Variants in IPO11 observed in about 807,000 individuals in gnomAD.
IPO11 encodes the protein importin 11.
In IPO11, 66 loss-of-function variants were observed where a neutral mutation model predicts 143.2. That is an observed-to-expected ratio of 0.46 (90% CI 0.38 to 0.57). The LOEUF is 0.57. Ranked by LOEUF, IPO11 falls within the 20% of genes least tolerant of loss-of-function variation. IPO11 has a pLI of 0.00. For synonymous variants in IPO11, 385 were observed against 377.8 expected (o/e 1.02, Z -0.22); for missense variants, 1,026 against 1,141.0 (o/e 0.90, Z 1.45).
At chr5:62,603,703 C>T (rs183731492) in intron 29 of IPO11, among the ~76,000 whole-genome samples, 4 of 152,306 alleles carry the variant, frequency 2.6e-5, no homozygotes, top group Admixed American at 6.5e-5. Context: ...AGAAAAGTCA[C>T]GCAGACATGG....
At position 62,568,675 on chromosome 5, in the gene IPO11, C is replaced by T. The variant is rs975956341; in HGVS notation, c.2582+7418C>T. Among the ~76,000 whole-genome samples the T allele has an allele frequency of 4.0e-5, 6 of 151,212 alleles. No individual in the cohort carries two copies. In the South Asian group the frequency reaches 6.3e-4, roughly 16 times the overall value. ...TTTCTCGAAATTTGTTGAGCTTCCTCAAAAAAGCTATTTTGAATTCTTTGA... is the reference window on the plus strand; with the variant it reads ...TTTCTCGAAATTTGTTGAGCTTCCTTAAAAAAGCTATTTTGAATTCTTTGA... On this transcript the variant is annotated intron_variant, in intron 27 of 29. Transcript: ENST00000325324.
intron 29 of IPO11, among the ~76,000 whole-genome samples, chr5:62,612,752 A>C (rs1244613588): frequency 6.6e-6 from 1 of 152,372 alleles, no homozygotes; most frequent in East Asian, 1.9e-4. Flanking sequence ...TCTTGAGATC[A>C]CCAATAACTT....
chr5:62,610,410 A>G (rs1225262374), intron 29 of IPO11, among the ~76,000 whole-genome samples: 1 of 152,116 alleles, frequency 6.6e-6, no homozygotes, highest in Non-Finnish European at 1.5e-5. Context: ...ATTGCTTCTC[A>G]TTTTGCATTG....
chr5:62,509,468 A>T (rs1741673454), intron 19 of IPO11, among the ~76,000 whole-genome samples: 1 of 152,180 alleles, frequency 6.6e-6, no homozygotes, highest in Non-Finnish European at 1.5e-5. Context: ...ATAATACTCA[A>T]AGTGCTTCCC....
chr5:62,626,116 G>A (rs372320492), intron 29 of IPO11, among the ~76,000 whole-genome samples: 78 of 151,748 alleles, frequency 5.1e-4, no homozygotes, highest in African/African-American at 1.7e-3. Context: ...TGCAACCTCC[G>A]CATCCCAGAT....
At chr5:62,525,995 T>C in intron 20 of IPO11, 147 bp from the exon 21 acceptor site, 2 of 623,166 alleles carry the variant, frequency 3.2e-6, no homozygotes, top group Non-Finnish European at 5.7e-6. Flanking sequence ...AGAACTTTGT[T>C]TTGCTATTAC....
In IPO11 at chr5:62,422,253, A is replaced by G. The variant is rs146846132; in HGVS notation, c.-7+9324A>G. On this transcript the variant is annotated intron_variant, in intron 1 of 29. Transcript: ENST00000325324. Reference sequence around the variant, plus strand: ...GCAGTTCTCCTGCCTCAGCCTCCCTAGTAGCTGGGATTATAGGTGCCCACC... The same window carrying G: ...GCAGTTCTCCTGCCTCAGCCTCCCTGGTAGCTGGGATTATAGGTGCCCACC... Among the ~76,000 whole-genome samples, 374 of 152,184 alleles carry G rather than the reference A, an allele frequency of 2.5e-3. 1 individual carries two copies. The highest frequency in any genetic ancestry group is 8.3e-3 in the African/African-American group (344 of 41,510).
intron 1 of IPO11, among the ~76,000 whole-genome samples, chr5:62,435,172 G>GTATATATATGTGTATATATGTGTA (rs368807385): frequency 3.4e-5 from 3 of 88,290 alleles, no homozygotes; most frequent in East Asian, 6.6e-4. Flanking sequence ...GTATATATAT[G>GTATATATATGTGTATATATGTGTA]TATATATGTA....
At chr5:62,566,631 C>T (rs985930958) in intron 27 of IPO11, among the ~76,000 whole-genome samples, 12 of 151,084 alleles carry the variant, frequency 7.9e-5, no homozygotes, top group South Asian at 4.2e-4. Context: ...CTAGCTACTC[C>T]GGAGGCTGAG....
intron 27 of IPO11, among the ~76,000 whole-genome samples, chr5:62,573,889 A>G (rs1034653161): frequency 2.0e-5 from 3 of 152,148 alleles, no homozygotes; most frequent in African/African-American, 4.8e-5. Flanking sequence ...CTTAACATTG[A>G]GAGTTCCCTT....
intron 1 of IPO11, among the ~76,000 whole-genome samples, chr5:62,417,951 ACTAT>A (rs902947891): frequency 2.0e-5 from 3 of 152,050 alleles, no homozygotes; most frequent in African/African-American, 7.2e-5. Context: ...CAACTCTCCA[ACTAT>A]CTAATTATTT....
chr5:62,487,736 GTT>G lies in IPO11; in HGVS notation c.1219-32_1219-31del, dbSNP rs369820240. 3.7e-4 allele frequency: 557 copies of G among 1,525,498 alleles called. 4 individuals carry two copies. In the African/African-American group the frequency reaches 7.0e-3, roughly 19 times the overall value. The allele number at this position is 1,525,498 out of a possible 1,614,324, so 94.5% of individuals were successfully genotyped here. ...GAATTAGTCAATATAGTATGCAACT[GTT>G]TTGATGAGAAATTTGTATTTTTCCC... On this transcript the variant is annotated intron_variant, in intron 12 of 29. Coordinates refer to ENST00000325324, the MANE Select transcript of IPO11 (RefSeq NM_016338.5).
At chr5:62,586,151 G>C (rs1208707914) in intron 27 of IPO11, among the ~76,000 whole-genome samples, 3 of 152,202 alleles carry the variant, frequency 2.0e-5, no homozygotes, top group Non-Finnish European at 4.4e-5. Flanking sequence ...AAGTTTTTTG[G>C]TCAACTGTAA....
At chr5:62,448,788 G>C (rs1744807921) in intron 3 of IPO11, among the ~76,000 whole-genome samples, 1 of 152,054 alleles carries the variant, frequency 6.6e-6, no homozygotes, top group African/African-American at 2.4e-5. Context: ...TGAACTCCTG[G>C]CCCCAAGCAG....
chr5:62,575,175 T>A (rs747652261), intron 27 of IPO11, among the ~76,000 whole-genome samples: 6 of 152,238 alleles, frequency 3.9e-5, no homozygotes, highest in Non-Finnish European at 7.3e-5. Context: ...TCATAGCTAC[T>A]GTCATGATAT....
At chr5:62,464,064 T>A (rs939233279) in intron 5 of IPO11, among the ~76,000 whole-genome samples, 56 of 151,690 alleles carry the variant, frequency 3.7e-4, no homozygotes, top group African/African-American at 1.3e-3. Context: ...CCTCAGGTGA[T>A]CCACCTGCCT....
chr5:62,482,266 T>A (rs1746241655), intron 9 of IPO11, among the ~76,000 whole-genome samples: 1 of 152,154 alleles, frequency 6.6e-6, no homozygotes, highest in Non-Finnish European at 1.5e-5. Context: ...TTTGAAGGGT[T>A]TTTTTGTGTC....
At chr5:62,580,466 G>T (rs1390950931) in intron 27 of IPO11, 3 of 1,551,248 alleles carry the variant, frequency 1.9e-6, no homozygotes, top group Non-Finnish European at 2.6e-6. Context: ...TTGCATCCAA[G>T]GGTCCTTAAG....
Position 62,483,256 on chromosome 5 carries a change from CA to C in IPO11, c.989del (p.Asn330IlefsTer33), listed in dbSNP as rs1297871010. 5 of 1,602,842 alleles carry C rather than the reference CA, an allele frequency of 3.1e-6. No homozygotes were observed. The Admixed American group carries it at 8.5e-5, about 27-fold the overall frequency. On this transcript the variant is annotated frameshift_variant, in exon 10 of 30. Coordinates refer to ENST00000325324, the MANE Select transcript of IPO11 (RefSeq NM_016338.5). LOFTEE classifies it high-confidence loss of function. ...QCMNLIKMIV[K>X]NYAYKPSKNF... ...GTATGAATCTTATTAAGATGATTGT[CA>C]AAAATTATGCTTATAAGCCATCCAA...
Sources: allele counts gnomAD v4.1 joint callset (sites outside exome capture counted in the v4.1 genomes callset), GRCh38; gene constraint gnomAD v4.1.1; transcripts MANE v1.5; gene names NCBI Gene and HGNC (gene_info 2026-07-23, HGNC 2026-07-21).